The following CCDC81 variants were observed in gnomAD, a reference collection of about 807,000 sequenced individuals.
CCDC81 encodes the protein coiled-coil domain containing 81.
In CCDC81, 79 loss-of-function variants were observed where a neutral mutation model predicts 83.7. That is an observed-to-expected ratio of 0.94 (90% CI 0.79 to 1.14). CCDC81 has a LOEUF of 1.14. Ranked by LOEUF, CCDC81 falls within the 50% of genes most tolerant of loss-of-function variation. The pLI, the probability that CCDC81 is intolerant of heterozygous loss-of-function variation, is 0.00. For missense variants in CCDC81, 791 were observed against 778.1 expected, an observed-to-expected ratio of 1.02 and a Z score of -0.20; for synonymous variants, 252 against 278.1, an observed-to-expected ratio of 0.91 and a Z score of 0.93.
At chr11:86,405,656 G>A (rs527700178) in intron 7 of CCDC81, among the ~76,000 whole-genome samples, 2 of 151,324 alleles carry the variant, frequency 1.3e-5, no homozygotes, top group Non-Finnish European at 3.0e-5. Flanking sequence ...TATTTTTTTT[G>A]TCTAGAACTT....
rs563010855 is a variant in CCDC81 at position 86,422,919 on chromosome 11, T to C, written c.*204T>C. On this transcript the variant is annotated 3_prime_UTR_variant, in exon 15 of 15. Transcript: ENST00000445632. ...AATTATTTCCTATACTAGTTTCTGA[T>C]GGCAGTGAAGGTGTCTGAATGGTCC... is the stretch of plus-strand genomic sequence containing the variant. 5.3e-6 allele frequency: 3 copies of C among 564,426 alleles called. No individual in the cohort carries two copies. Among genetic ancestry groups the C allele is most frequent in the Non-Finnish European group, 9.3e-6 (3 of 322,354 alleles). 35.0% of individuals were successfully genotyped at this position (564,426 alleles called of 1,614,324 possible).
intron 5 of CCDC81, among the ~76,000 whole-genome samples, chr11:86,395,844 A>G (rs143427886): frequency 0.016 from 2,475 of 152,240 alleles, 67 homozygotes; most frequent in African/African-American, 0.055. Flanking sequence ...GCTGGTCTCG[A>G]ACTCCTGGTC....
intron 4 of CCDC81, chr11:86,395,126 A>G: frequency 2.4e-6 from 1 of 414,570 alleles, no homozygotes; most frequent in Non-Finnish European, 4.3e-6. Context: ...CAACACCGAA[A>G]GAATTGCTGT....
In CCDC81 at chr11:86,419,974, A is replaced by T. The variant is rs766822324; in HGVS notation, c.1738A>T (p.Asn580Tyr). 6.2e-7 allele frequency: 1 copy of T among 1,613,962 alleles called. No homozygotes were observed. Among genetic ancestry groups the T allele is most frequent in the Admixed American group, 1.7e-5 (1 of 60,000 alleles). Reference sequence around the variant, plus strand: ...TGAGCTGGAGCGAGTAAATAGAGTCAACCAATGCTTACAGGAGGACTGGGA... The same window carrying T: ...TGAGCTGGAGCGAGTAAATAGAGTCTACCAATGCTTACAGGAGGACTGGGA... ...TAELERVNRV[N>Y]QCLQEDWERS... The change falls in exon 14 of 15, where the codon AAC becomes TAC. Residue 580 changes from asparagine (N) to tyrosine (Y), a missense_variant. By Grantham distance (143) the Asn-to-Tyr change is moderately radical. Coordinates refer to ENST00000445632, the MANE Select transcript of CCDC81 (RefSeq NM_001156474.2).
rs1948702707 is a variant in CCDC81, at chr11:86,415,323, C to T, written c.1691+10C>T. 3 of 1,604,784 alleles carry T rather than the reference C, an allele frequency of 1.9e-6. No individual in the cohort carries two copies. The highest frequency in any genetic ancestry group is 2.6e-6 in the Non-Finnish European group (3 of 1,172,490). On this transcript the variant is annotated intron_variant, in intron 13 of 14. Coordinates refer to ENST00000445632, the MANE Select transcript of CCDC81 (RefSeq NM_001156474.2). ...AGAGGACACAAAGAGAGTAAGGAGA[C>T]CCCTGATCTTTCTCCCTCCACTTCT...
In CCDC81 at chr11:86,397,759, T is replaced by G. The variant is rs190045961; in HGVS notation, c.757+17T>G. ...GCACCAGAGGTAGGCCAATGATTTC[T>G]GGGTCCAATCTGTCACTCTTTACTG... is the stretch of plus-strand genomic sequence containing the variant. On this transcript the variant is annotated intron_variant, in intron 6 of 14. Transcript: ENST00000445632. The G allele has an allele frequency of 3.7e-6, 6 of 1,608,828 alleles. No homozygotes were observed. Among genetic ancestry groups the G allele is most frequent in the Non-Finnish European group, 5.1e-6 (6 of 1,177,772 alleles).
At chr11:86,391,963 T>G (rs1348601848) in intron 3 of CCDC81, among the ~76,000 whole-genome samples, 1 of 151,506 alleles carries the variant, frequency 6.6e-6, no homozygotes, top group African/African-American at 2.4e-5. Context: ...TGGAGGGAGG[T>G]GCTACACACT....
chr11:86,387,436 T>G (rs952318517), intron 2 of CCDC81, 80 bp from the exon 3 acceptor site: 50 of 1,403,468 alleles, frequency 3.6e-5, no homozygotes, highest in Non-Finnish European at 4.9e-5. Context: ...TCTCTTCGTG[T>G]TTTTTAGATA....
At chr11:86,406,572 C>A (rs981809521) in intron 7 of CCDC81, among the ~76,000 whole-genome samples, 1 of 152,024 alleles carries the variant, frequency 6.6e-6, no homozygotes, top group Non-Finnish European at 1.5e-5. Context: ...TTTGGGAGGC[C>A]GAGGTGGGCA....
intron 7 of CCDC81, among the ~76,000 whole-genome samples, chr11:86,406,002 A>T (rs1486575865): frequency 2.0e-5 from 3 of 152,086 alleles, no homozygotes; most frequent in African/African-American, 7.2e-5. Context: ...ACCTCAAGTT[A>T]TCCACCTGCC....
At chr11:86,422,245 GA>G (rs1948801482) in intron 14 of CCDC81, among the ~76,000 whole-genome samples, 1 of 152,164 alleles carries the variant, frequency 6.6e-6, no homozygotes, top group Non-Finnish European at 1.5e-5. Flanking sequence ...ATCCACGTGG[GA>G]AAGCAGTCAA....
At position 86,387,616 on chromosome 11, in the gene CCDC81, T is replaced by C. The variant is rs747057545; in HGVS notation, c.242T>C (p.Met81Thr). Residue 81 changes from methionine to threonine, a missense_variant, in exon 3 of 15, where the codon ATG becomes ACG. Physicochemically the swap from Met to Thr is moderately conservative, Grantham distance 81. Transcript: ENST00000445632. ...TTAATCCAGAGGCCTGTGTTTATCA[T>C]GGTGGAGAAGCTAGTGCAGATTCAT... ...FILIQRPVFI[M>T]VEKLVQIHGL... 3 of 1,611,672 alleles carry C rather than the reference T, an allele frequency of 1.9e-6. No homozygotes were observed. The African/African-American group carries it at 4.0e-5, about 22-fold the overall frequency.
intron 11 of CCDC81, among the ~76,000 whole-genome samples, chr11:86,413,280 G>A (rs558429510): frequency 2.6e-5 from 4 of 152,290 alleles, no homozygotes; most frequent in Admixed American, 2.0e-4. Flanking sequence ...AGCCGCTTGT[G>A]TGCCTGCCTG....
chr11:86,417,041 T>C (rs1476674425), intron 13 of CCDC81, among the ~76,000 whole-genome samples: 1 of 152,064 alleles, frequency 6.6e-6, no homozygotes, highest in African/African-American at 2.4e-5. Context: ...CCCAGGAGTT[T>C]GAGACCAGCC....
At chr11:86,417,717 G>T (rs183506558) in intron 13 of CCDC81, among the ~76,000 whole-genome samples, 99 of 151,566 alleles carry the variant, frequency 6.5e-4, no homozygotes, top group Admixed American at 2.0e-3. Flanking sequence ...TGGGGCTGCT[G>T]TGTCCAATGT....
In CCDC81 at chr11:86,392,581, C is replaced by G. The variant is rs558242042; in HGVS notation, c.339C>G (p.Ser113=). The change falls in exon 4 of 15, where the codon TCC becomes TCG. Residue 113 remains serine (S), a synonymous_variant. Coordinates refer to ENST00000445632, the MANE Select transcript of CCDC81 (RefSeq NM_001156474.2). ...TTCCACTTAATTTTGTCATGATATCCCTGGAGGGTCCATTTAACAGAGATG... is the reference window on the plus strand; with the variant it reads ...TTCCACTTAATTTTGTCATGATATCGCTGGAGGGTCCATTTAACAGAGATG... ...PIVPLNFVMI[S]LEGPFNRDVV... 7 of 1,551,544 alleles carry G rather than the reference C, an allele frequency of 4.5e-6. No homozygotes were observed. The African/African-American group carries it at 9.6e-5, about 21-fold the overall frequency.
At chr11:86,385,331 G>C (rs1049686791) in intron 1 of CCDC81, among the ~76,000 whole-genome samples, 1 of 152,098 alleles carries the variant, frequency 6.6e-6, no homozygotes, top group Non-Finnish European at 1.5e-5. Flanking sequence ...GTTGCAGTGA[G>C]CCGAGATCAC....
intron 1 of CCDC81, 23 bp downstream of exon 1, chr11:86,375,265 G>C (rs747493298): frequency 8.8e-6 from 14 of 1,593,168 alleles, no homozygotes; most frequent in Non-Finnish European, 1.1e-5. Context: ...GGTAGCAGGG[G>C]GTGGCCCTGG....
At chr11:86,375,849 G>A (rs531901907) in intron 1 of CCDC81, among the ~76,000 whole-genome samples, 1 of 152,146 alleles carries the variant, frequency 6.6e-6, no homozygotes. Context: ...GGAGAAGAGA[G>A]GTGCTGCAGG....
Sources: gnomAD v4.1 joint callset for allele counts (sites outside exome capture counted in the v4.1 genomes callset) on GRCh38, gnomAD v4.1.1 for gene constraint, MANE v1.5 for transcripts, NCBI Gene and HGNC (gene_info 2026-07-23, HGNC 2026-07-21) for gene names.